The following TAFA2 variants were observed in gnomAD, a reference collection of about 807,000 sequenced individuals.
The protein encoded by TAFA2 is chemokine-like protein TAFA-2.
In TAFA2, 7 loss-of-function variants were observed where a neutral mutation model predicts 18.8. That is an observed-to-expected ratio of 0.37 (90% confidence interval 0.21 to 0.70). The LOEUF is 0.70. Ranked by LOEUF, TAFA2 falls within the 30% of genes least tolerant of loss-of-function variation. TAFA2 has a pLI of 0.53. For missense variants in TAFA2, 122 were observed against 158.1 expected (o/e 0.77, Z 1.23); for synonymous variants, 60 against 54.2 (o/e 1.11, Z -0.47).
At position 62,010,783 on chromosome 12, in the gene TAFA2, G is replaced by A. The variant is rs552115357; in HGVS notation, c.-1-143357C>T. 4.1e-4 allele frequency among the ~76,000 whole-genome samples: 61 copies of A among 150,338 alleles called. 2 individuals are homozygous for A. In the South Asian group the frequency reaches 0.011, roughly 28 times the overall value. On this transcript the variant is annotated intron_variant, in intron 1 of 4. Transcript: ENST00000416284. ...CCCCCCCGTCTGGGAGGTGAGGGGC[G>A]CCTCTGCCCGGCCACCCTTCATCTG...
chr12:61,780,176 C>T (rs1870445348), intron 2 of TAFA2, among the ~76,000 whole-genome samples: 2 of 151,774 alleles, frequency 1.3e-5, no homozygotes, highest in South Asian at 4.1e-4. Context: ...AGTAAGAGCA[C>T]ACAGGTAGTG....
At chr12:61,913,662 T>C (rs973577641) in intron 1 of TAFA2, among the ~76,000 whole-genome samples, 5 of 152,208 alleles carry the variant, frequency 3.3e-5, no homozygotes, top group African/African-American at 9.6e-5. Flanking sequence ...TAATTAATAT[T>C]TGTTGTGCAA....
chr12:61,827,339 T>C (rs1161810627), intron 2 of TAFA2: 2 of 152,048 alleles, frequency 1.3e-5, no homozygotes, highest in Non-Finnish European at 2.9e-5. Flanking sequence ...ACTTTGGATC[T>C]TAAGTCATGT....
intron 1 of TAFA2, among the ~76,000 whole-genome samples, chr12:62,001,435 C>A (rs1430847210): frequency 6.6e-6 from 1 of 151,924 alleles, no homozygotes; most frequent in African/African-American, 2.4e-5. Context: ...TCAGTGGAAG[C>A]CCTGAGCTTG....
intron 1 of TAFA2, among the ~76,000 whole-genome samples, chr12:62,166,300 T>TCAA (rs1441850665): frequency 1.3e-5 from 2 of 152,170 alleles, no homozygotes; most frequent in Admixed American, 1.3e-4. Context: ...AATTGGCAGT[T>TCAA]TATACACTGC....
At chr12:61,879,180 A>C (rs1874997828) in intron 1 of TAFA2, 1 of 316,986 alleles carries the variant, frequency 3.2e-6, no homozygotes, top group African/African-American at 2.2e-5. Flanking sequence ...TCTCAAAAAA[A>C]TGTTTAAAAC....
chr12:61,842,770 G>C (rs1873239689), intron 2 of TAFA2, among the ~76,000 whole-genome samples: 1 of 152,070 alleles, frequency 6.6e-6, no homozygotes, highest in African/African-American at 2.4e-5. Context: ...ATAAAACCAA[G>C]AGCTATTTAA....
At chr12:61,945,647 T>C (rs1878235368) in intron 1 of TAFA2, among the ~76,000 whole-genome samples, 1 of 128,804 alleles carries the variant, frequency 7.8e-6, no homozygotes. Flanking sequence ...TCACAAGCAT[T>C]CCTATACACC....
At chr12:62,110,007 A>G (rs770022243) in intron 1 of TAFA2, among the ~76,000 whole-genome samples, 1 of 152,190 alleles carries the variant, frequency 6.6e-6, no homozygotes, top group Non-Finnish European at 1.5e-5. Context: ...CAGAACTTCT[A>G]ATACTATGTT....
chr12:61,919,000 G>T (rs1230565601), intron 1 of TAFA2, among the ~76,000 whole-genome samples: 1 of 152,186 alleles, frequency 6.6e-6, no homozygotes, highest in Non-Finnish European at 1.5e-5. Context: ...TCTTTGGGTT[G>T]TTGCAAGGAT....
At chr12:61,745,109 T>A (rs558410019) in intron 4 of TAFA2, among the ~76,000 whole-genome samples, 1 of 152,184 alleles carries the variant, frequency 6.6e-6, no homozygotes, top group South Asian at 2.1e-4. Context: ...TAGAAAAAAG[T>A]CTACCTACTC....
chr12:61,880,657 C>G, intron 1 of TAFA2: 1 of 357,528 alleles, frequency 2.8e-6, no homozygotes, highest in Non-Finnish European at 5.5e-6. Context: ...AGCTTTGGCT[C>G]TGTTGCAGGC....
intron 1 of TAFA2, among the ~76,000 whole-genome samples, chr12:61,867,680 A>G (rs1216585619): frequency 1.3e-5 from 2 of 152,176 alleles, no homozygotes; most frequent in Admixed American, 1.3e-4. Context: ...ACCACAGCCT[A>G]AATCAGTTTG....
intron 1 of TAFA2, among the ~76,000 whole-genome samples, chr12:62,100,839 A>G (rs976411920): frequency 2.0e-5 from 3 of 152,172 alleles, no homozygotes; most frequent in Non-Finnish European, 4.4e-5. Flanking sequence ...ACAATGCCCA[A>G]CCTACACAGT....
chr12:61,888,202 C>A (rs1271050024), intron 1 of TAFA2, among the ~76,000 whole-genome samples: 1 of 152,160 alleles, frequency 6.6e-6, no homozygotes, highest in Non-Finnish European at 1.5e-5. Context: ...ACTAGAAATA[C>A]CATTTGACCC....
chr12:62,189,036 A>G (rs2062604579), intron 1 of TAFA2, among the ~76,000 whole-genome samples: 1 of 152,210 alleles, frequency 6.6e-6, no homozygotes, highest in East Asian at 1.9e-4. Flanking sequence ...CCCCTTTAGC[A>G]GAACCTGTAG....
chr12:62,159,131 C>A (rs1592373256), intron 1 of TAFA2, among the ~76,000 whole-genome samples: 2 of 152,200 alleles, frequency 1.3e-5, no homozygotes, highest in Non-Finnish European at 2.9e-5. Flanking sequence ...AAGAGCTCTT[C>A]TGTTTCTGTA....
At chr12:61,926,943 C>T (rs867265188) in intron 1 of TAFA2, among the ~76,000 whole-genome samples, 6 of 151,846 alleles carry the variant, frequency 4.0e-5, no homozygotes, top group Middle Eastern at 3.4e-3. Flanking sequence ...GGCATGGTGG[C>T]ACATGCCTGT....
At chr12:61,792,434 G>T (rs1871019676) in intron 2 of TAFA2, among the ~76,000 whole-genome samples, 1 of 151,362 alleles carries the variant, frequency 6.6e-6, no homozygotes, top group Admixed American at 6.6e-5. Context: ...TGTTTGAGGT[G>T]ACAGATTTGC....
Sources: gnomAD v4.1 joint callset for allele counts (sites outside exome capture counted in the v4.1 genomes callset) on GRCh38, gnomAD v4.1.1 for gene constraint, MANE v1.5 for transcripts, NCBI Gene and HGNC (gene_info 2026-07-23, HGNC 2026-07-21) for gene names.